Variants in RAI1 observed in about 807,000 individuals in gnomAD.
The protein encoded by RAI1 is retinoic acid-induced protein 1.
In RAI1, 9 loss-of-function variants were observed where a neutral mutation model predicts 123.8. The observed-to-expected ratio is 0.07, with a 90% CI of 0.04 to 0.13. The LOEUF (loss-of-function observed/expected upper bound fraction) is 0.13. Ranked by LOEUF, RAI1 falls within the 10% of genes least tolerant of loss-of-function variation. RAI1 has a pLI of 1.00. For synonymous variants in RAI1, 1,231 were observed against 1,127.3 expected, an observed-to-expected ratio of 1.09 and a Z score of -1.84; for missense variants, 2,256 against 2,545.8, an observed-to-expected ratio of 0.89 and a Z score of 2.45.
intron 1 of RAI1, among the ~76,000 whole-genome samples, chr17:17,722,416 T>G (rs946823272): frequency 5.3e-5 from 8 of 152,156 alleles, no homozygotes; most frequent in Non-Finnish European, 8.8e-5. Flanking sequence ...TGGCGCCTAA[T>G]TACGTGCCCC....
rs550846165 is a variant in RAI1, at chr17:17,716,251, T to TA, written c.-148-7775dup. ...CTGGAGGGGTCACTTGTGGGGTGGT[T>TA]AAGCCACCCAGAGATACCCATGAGC... On this transcript the variant is annotated intron_variant, in intron 1 of 5. Transcript: ENST00000353383. 4.7e-4 allele frequency among the ~76,000 whole-genome samples: 71 copies of TA among 152,280 alleles called. No individual in the cohort carries two copies. In the East Asian group the frequency reaches 0.013, roughly 28 times the overall value.
chr17:17,775,039 G>T (rs1320324046), intron 2 of RAI1, among the ~76,000 whole-genome samples: 1 of 151,990 alleles, frequency 6.6e-6, no homozygotes, highest in Non-Finnish European at 1.5e-5. Context: ...ATTTTATAAC[G>T]TGTTCCTTTG....
At chr17:17,746,053 A>G (rs1178224142) in intron 2 of RAI1, among the ~76,000 whole-genome samples, 1 of 151,738 alleles carries the variant, frequency 6.6e-6, no homozygotes, top group Admixed American at 6.5e-5. Flanking sequence ...CCTGCCTACC[A>G]GGCCACCATT....
In RAI1 at chr17:17,800,833, G is replaced by A. The variant is rs1567933321; in HGVS notation, c.5565+2320G>A. On this transcript the variant is annotated intron_variant, in intron 3 of 5. Transcript: ENST00000353383. The surrounding 1 kb of genome is among the most constrained non-coding windows in gnomAD (Gnocchi z 4.7). ...CCCTTCCTGCCTCAGTGGCTTGGGG[G>A]CGCCATGCTCCTTGGAGTGAGACCC... Among the ~76,000 whole-genome samples, 1 of 152,248 alleles carries A rather than the reference G, an allele frequency of 6.6e-6. No individual in the cohort carries two copies. The highest frequency in any genetic ancestry group is 1.5e-5 in the Non-Finnish European group (1 of 68,046).
In RAI1 at chr17:17,693,940, C is replaced by T. The variant is rs550383099; in HGVS notation, c.-149+12147C>T. Among the ~76,000 whole-genome samples, 27 of 152,340 alleles carry T rather than the reference C, an allele frequency of 1.8e-4. No individual in the cohort carries two copies. In the South Asian group the frequency reaches 5.0e-3, roughly 28 times the overall value. On this transcript the variant is annotated intron_variant, in intron 1 of 5. Transcript: ENST00000353383. ...TGGCCGAGTCCCAGCTCTGCCACTT[C>T]ACTCCTTAACAGATCTGGGCTTGTT...
chr17:17,723,442 C>T (rs1281169839), intron 1 of RAI1, among the ~76,000 whole-genome samples: 1 of 151,962 alleles, frequency 6.6e-6, no homozygotes, highest in Admixed American at 6.5e-5. Context: ...AGACCTCACC[C>T]GCAGGCTCGT....
rs58147049 is a variant in RAI1 at position 17,800,180 on chromosome 17, GTCTCTCTCTC to G, written c.5565+1706_5565+1715del. ...TCTCTCCTGCTTTCTGTCTCTCTCT[GTCTCTCTCTC>G]TCTCTCTCTCTCTCTCTCTCTCTCT... On this transcript the variant is annotated intron_variant, in intron 3 of 5. Coordinates refer to ENST00000353383, the MANE Select transcript of RAI1 (RefSeq NM_030665.4). The surrounding 1 kb of genome is among the most constrained non-coding windows in gnomAD (Gnocchi z 4.7). 0.024 allele frequency among the ~76,000 whole-genome samples: 2,762 copies of G among 116,400 alleles called. 112 individuals are homozygous for G. Among genetic ancestry groups the G allele is most frequent in the Middle Eastern group, 0.064 (13 of 202 alleles). The allele number at this position is 116,400 out of a possible 152,430, so 76.4% of individuals were successfully genotyped here.
intron 3 of RAI1, among the ~76,000 whole-genome samples, chr17:17,802,351 G>A (rs527908661): frequency 6.6e-6 from 1 of 152,344 alleles, no homozygotes; most frequent in East Asian, 1.9e-4. Flanking sequence ...TCCCAGCCTA[G>A]CTTCAAAGTG....
At chr17:17,724,541 A>G (rs1435454702) in intron 2 of RAI1, among the ~76,000 whole-genome samples, 1 of 150,008 alleles carries the variant, frequency 6.7e-6, no homozygotes, top group African/African-American at 2.5e-5. Context: ...TGGGGCTGAG[A>G]TGGCGGGGCT....
chr17:17,732,200 A>G lies in RAI1; in HGVS notation c.-17+8041A>G, dbSNP rs189395374. On this transcript the variant is annotated intron_variant, in intron 2 of 5. Transcript: ENST00000353383. ...GTCTGGCAACTGTGGTTCAAGGCCC[A>G]TGGCTGGTAAGAAGTGAGCCTGCGG... Among the ~76,000 whole-genome samples the G allele has an allele frequency of 1.4e-4, 21 of 152,292 alleles. No homozygotes were observed. In the East Asian group the frequency reaches 2.3e-3, roughly 17 times the overall value.
rs545327343 is a variant in RAI1, at chr17:17,795,122, C to T, written c.2174C>T (p.Ala725Val). 6.2e-7 allele frequency: 1 copy of T among 1,614,086 alleles called. No homozygotes were observed. Among genetic ancestry groups the T allele is most frequent in the Admixed American group, 1.7e-5 (1 of 60,032 alleles). The change falls in exon 3 of 6, where the codon GCT becomes GTT. Residue 725 changes from alanine to valine, a missense_variant. Transcript: ENST00000353383. This position sits in a 1 kb window ranked among gnomAD's most constrained non-coding sequence, Gnocchi z 5.9. ...GVPAPDPTTAAFDCFPDTTAA... is the reference protein window; with the variant it reads ...GVPAPDPTTAVFDCFPDTTAA... ...CCTGCTCCAGACCCCACTACAGCAGCTTTTGACTGTTTCCCGGACACAACC... is the reference window on the plus strand; with the variant it reads ...CCTGCTCCAGACCCCACTACAGCAGTTTTTGACTGTTTCCCGGACACAACC...
chr17:17,731,590 G>C lies in RAI1; in HGVS notation c.-17+7431G>C, dbSNP rs1033639082. On this transcript the variant is annotated intron_variant, in intron 2 of 5. Coordinates refer to ENST00000353383, the MANE Select transcript of RAI1 (RefSeq NM_030665.4). ...AAGTCTCGGCAGTGGGAACACACAGGGACAATGAGGAGAGGCTTAAGAGGA... is the reference window on the plus strand; with the variant it reads ...AAGTCTCGGCAGTGGGAACACACAGCGACAATGAGGAGAGGCTTAAGAGGA... 4.6e-5 allele frequency among the ~76,000 whole-genome samples: 7 copies of C among 152,316 alleles called. No homozygotes were observed. In the East Asian group the frequency reaches 1.3e-3, roughly 29 times the overall value.
intron 2 of RAI1, among the ~76,000 whole-genome samples, chr17:17,776,495 T>G (rs1473585183): frequency 6.6e-6 from 1 of 151,984 alleles, no homozygotes; most frequent in Non-Finnish European, 1.5e-5. Context: ...CTCAGCCTCC[T>G]GAGTAGCTGG....
chr17:17,700,324 TCGCCCGGCCCCAGG>T (rs1388359956), intron 1 of RAI1, among the ~76,000 whole-genome samples: 1 of 152,018 alleles, frequency 6.6e-6, no homozygotes, highest in Non-Finnish European at 1.5e-5. Flanking sequence ...CCGCCTCCTG[TCGCCCGGCCCCAGG>T]CGGGACTGCC....
chr17:17,686,761 C>G (rs772574332), intron 1 of RAI1, among the ~76,000 whole-genome samples: 1 of 151,844 alleles, frequency 6.6e-6, no homozygotes, highest in Non-Finnish European at 1.5e-5. Flanking sequence ...GTTCCTGCTG[C>G]TGCTGCTGGA....
At chr17:17,696,490 AT>A (rs1915041944) in intron 1 of RAI1, among the ~76,000 whole-genome samples, 1 of 152,162 alleles carries the variant, frequency 6.6e-6, no homozygotes, top group Non-Finnish European at 1.5e-5. Context: ...AGCAGTTGAT[AT>A]TCCGCTTTTC....
rs1324518698 is a variant in RAI1 at position 17,792,978 on chromosome 17, C to T, written c.30C>T (p.Phe10=). MQSFRERCG[F]HGKQQNYQQT... ...AGTCTTTTCGAGAAAGGTGTGGTTTCCATGGCAAACAACAGAACTACCAGC... is the reference window on the plus strand; with the variant it reads ...AGTCTTTTCGAGAAAGGTGTGGTTTTCATGGCAAACAACAGAACTACCAGC... Residue 10 remains phenylalanine (F), a synonymous_variant, in exon 3 of 6, where the codon TTC becomes TTT. Coordinates refer to ENST00000353383, the MANE Select transcript of RAI1 (RefSeq NM_030665.4). 1.4e-6 allele frequency: 2 copies of T among 1,394,460 alleles called. No individual in the cohort carries two copies. Among genetic ancestry groups the T allele is most frequent in the Non-Finnish European group, 1.9e-6 (2 of 1,041,306 alleles). 86.4% of individuals were successfully genotyped at this position (1,394,460 alleles called of 1,614,324 possible).
At chr17:17,741,112 C>T (rs1321933330) in intron 2 of RAI1, among the ~76,000 whole-genome samples, 4 of 151,642 alleles carry the variant, frequency 2.6e-5, no homozygotes, top group African/African-American at 9.7e-5. Context: ...CACACACACA[C>T]TCGCGCACGC....
In RAI1 at chr17:17,791,447, G is replaced by A. The variant is rs11656699; in HGVS notation, c.-16-1486G>A. 0.061 allele frequency among the ~76,000 whole-genome samples: 9,136 copies of A among 150,416 alleles called. 384 individuals carry two copies. The highest frequency in any genetic ancestry group is 0.11 in the African/African-American group (4,321 of 40,780). On this transcript the variant is annotated intron_variant, in intron 2 of 5. Transcript: ENST00000353383. ...TCCCTGTGCCCCTCCCCGACTCTGC[G>A]TGCCTCTCCCTCTCTGTGCCCCTCT...
Sources: allele counts gnomAD v4.1 joint callset (sites outside exome capture counted in the v4.1 genomes callset), GRCh38; gene constraint gnomAD v4.1.1; non-coding constraint Gnocchi (gnomAD v3.1); transcripts MANE v1.5; gene names NCBI Gene and HGNC (gene_info 2026-07-23, HGNC 2026-07-21).